TMPRSS11D: variants seen among roughly 807,000 people sequenced by gnomAD.
The protein encoded by TMPRSS11D is transmembrane protease serine 11D.
TMPRSS11D carries 32 observed loss-of-function variants against 44.4 expected under a neutral mutation model. That is an observed-to-expected ratio of 0.72 (90% CI 0.54 to 0.97). The LOEUF is 0.97. TMPRSS11D is among the 50% of genes least tolerant of loss of function. TMPRSS11D has a pLI of 0.00. For synonymous variants in TMPRSS11D, 179 were observed against 177.9 expected, an observed-to-expected ratio of 1.01 and a Z score of -0.05; for missense variants, 446 against 502.6, an observed-to-expected ratio of 0.89 and a Z score of 1.08.
At chr4:67,823,311 A>G (rs1173788828) in intron 9 of TMPRSS11D, among the ~76,000 whole-genome samples, 1 of 152,168 alleles carries the variant, frequency 6.6e-6, no homozygotes, top group Non-Finnish European at 1.5e-5. Context: ...AGTCATAATA[A>G]TGAACCAACC....
intron 1 of TMPRSS11D, among the ~76,000 whole-genome samples, chr4:67,866,468 C>T (rs2165362): frequency 0.71 from 107,865 of 151,756 alleles, 38,604 homozygotes; most frequent in Middle Eastern, 0.76. Context: ...TCACGTCTAT[C>T]AAACACATTA....
chr4:67,866,931 A>C (rs2109695958), intron 1 of TMPRSS11D, among the ~76,000 whole-genome samples: 1 of 152,066 alleles, frequency 6.6e-6, no homozygotes, highest in Admixed American at 6.6e-5. Flanking sequence ...AAATTCAATT[A>C]AATCCCTATC....
At chr4:67,863,070 TA>T (rs200638003) in intron 1 of TMPRSS11D, among the ~76,000 whole-genome samples, 2,099 of 149,468 alleles carry the variant, frequency 0.014, 167 homozygotes, top group Admixed American at 0.13. Flanking sequence ...AAAATAATAA[TA>T]AAAAAATAAA....
chr4:67,852,092 C>T (rs1005697897), intron 3 of TMPRSS11D, among the ~76,000 whole-genome samples: 1 of 152,248 alleles, frequency 6.6e-6, no homozygotes, highest in African/African-American at 2.4e-5. Context: ...TTGACTATGC[C>T]TCTGCCCAAT....
Position 67,825,776 on chromosome 4 carries a change from T to A in TMPRSS11D, c.1051A>T (p.Met351Leu). The A allele has an allele frequency of 1.2e-6, 2 of 1,613,196 alleles. No homozygotes were observed. Among genetic ancestry groups the A allele is most frequent in the Non-Finnish European group, 1.7e-6 (2 of 1,179,488 alleles). The change falls in exon 9 of 10, where the codon ATG becomes TTG. Residue 351 changes from methionine to leucine, a missense_variant. Met to Leu is a conservative substitution (Grantham distance 15). Transcript: ENST00000283916. ...CCTTGAGGTACTCCAGCACACAGCATTCCAGACAAGATGGCTCCATTATAA... is the reference window on the plus strand; with the variant it reads ...CCTTGAGGTACTCCAGCACACAGCAATCCAGACAAGATGGCTCCATTATAA... ...HSYNGAILSGMLCAGVPQGGV... is the reference protein window; with the variant it reads ...HSYNGAILSGLLCAGVPQGGV...
In TMPRSS11D at chr4:67,852,156, C is replaced by G. The variant is rs183627784; in HGVS notation, c.249+1912G>C. Among the ~76,000 whole-genome samples the G allele has an allele frequency of 1.3e-3, 203 of 152,314 alleles. 1 individual carries two copies. The highest frequency in any genetic ancestry group is 9.3e-3 in the Admixed American group (143 of 15,296). On this transcript the variant is annotated intron_variant, in intron 3 of 9. Transcript: ENST00000283916. ...GGTTGAGAGCACCCCAGAGACACTC[C>G]CTGCATGCAAGTCTCAGAGTCTGCT... is the stretch of plus-strand genomic sequence containing the variant.
intron 3 of TMPRSS11D, among the ~76,000 whole-genome samples, chr4:67,843,901 C>T (rs577305718): frequency 1.3e-5 from 2 of 152,168 alleles, no homozygotes; most frequent in African/African-American, 2.4e-5. Flanking sequence ...CCAGCCTGGG[C>T]TACAGAACGA....
chr4:67,871,451 G>GAGT (rs2109699997), intron 1 of TMPRSS11D, among the ~76,000 whole-genome samples: 1 of 152,298 alleles, frequency 6.6e-6, no homozygotes, highest in South Asian at 2.1e-4. Flanking sequence ...ATAGACTGCT[G>GAGT]AGTAGGGTTT....
At chr4:67,883,468 G>C (rs184509220) in intron 1 of TMPRSS11D, among the ~76,000 whole-genome samples, 1 of 151,884 alleles carries the variant, frequency 6.6e-6, no homozygotes, top group Non-Finnish European at 1.5e-5. Context: ...GAAAAATACC[G>C]TCTTTACTTT....
At chr4:67,848,471 A>T (rs1037412318) in intron 3 of TMPRSS11D, among the ~76,000 whole-genome samples, 8 of 152,230 alleles carry the variant, frequency 5.3e-5, no homozygotes, top group African/African-American at 1.4e-4. Context: ...AGAAAACAGT[A>T]ATCTGGCCAT....
intron 1 of TMPRSS11D, among the ~76,000 whole-genome samples, chr4:67,867,391 G>A (rs1718950754): frequency 6.6e-6 from 1 of 151,886 alleles, no homozygotes; most frequent in African/African-American, 2.4e-5. Context: ...AGAAGAAGAT[G>A]TAGGGAAAAC....
chr4:67,845,877 G>A (rs576208991), intron 3 of TMPRSS11D, among the ~76,000 whole-genome samples: 1 of 152,178 alleles, frequency 6.6e-6, no homozygotes, highest in African/African-American at 2.4e-5. Context: ...AGTAGAACAG[G>A]TCACATAAAG....
At chr4:67,862,560 A>G (rs982075240) in intron 1 of TMPRSS11D, among the ~76,000 whole-genome samples, 1 of 152,150 alleles carries the variant, frequency 6.6e-6, no homozygotes, top group Non-Finnish European at 1.5e-5. Context: ...ACTGCACATC[A>G]TCATTTCCAA....
intron 1 of TMPRSS11D, among the ~76,000 whole-genome samples, chr4:67,879,796 C>T (rs1188056606): frequency 1.3e-5 from 2 of 152,046 alleles, no homozygotes; most frequent in Admixed American, 1.3e-4. Context: ...CCATGTGACT[C>T]GGAAAATCTA....
rs1717672025 is a variant in TMPRSS11D at position 67,822,496 on chromosome 4, A to G, written c.1098T>C (p.Gly366=). Residue 366 remains glycine, a splice_region_variant and synonymous_variant, in exon 10 of 10, where the codon GGT becomes GGC. Coordinates refer to ENST00000283916, the MANE Select transcript of TMPRSS11D (RefSeq NM_004262.3). ...CTTGTACTAGTGGGCCACCAGAGTC[A>G]CCCTGTAAAAAAACAGAATGACTGA... ...VPQGGVDACQ[G]DSGGPLVQED... 6.2e-7 allele frequency: 1 copy of G among 1,613,744 alleles called. No homozygotes were observed. Among genetic ancestry groups the G allele is most frequent in the East Asian group, 2.2e-5 (1 of 44,884 alleles).
At position 67,827,277 on chromosome 4, in the gene TMPRSS11D, G is replaced by A. The variant is rs368640864; in HGVS notation, c.936C>T (p.Gly312=). ...GACACTTACCAGCATATTCTTGAGC[G>A]CCCCATCCTGTTACATAAGCAGTAG... is the stretch of plus-strand genomic sequence containing the variant. ...PGSTAYVTGW[G]AQEYAGHTVP... Residue 312 remains glycine (G), a synonymous_variant, in exon 8 of 10, where the codon GGC becomes GGT. Coordinates refer to ENST00000283916, the MANE Select transcript of TMPRSS11D (RefSeq NM_004262.3). 240 of 1,608,200 alleles carry A rather than the reference G, an allele frequency of 1.5e-4. No homozygotes were observed. The highest frequency in any genetic ancestry group is 2.3e-4 in the South Asian group (21 of 89,814).
chr4:67,838,054 G>T, intron 5 of TMPRSS11D, 118 bp downstream of exon 5: 1 of 844,888 alleles, frequency 1.2e-6, no homozygotes, highest in Non-Finnish European at 1.7e-6. Flanking sequence ...TTAATGGATT[G>T]TTTTCACAGT....
At chr4:67,869,975 A>G (rs979724518) in intron 1 of TMPRSS11D, among the ~76,000 whole-genome samples, 2 of 152,150 alleles carry the variant, frequency 1.3e-5, no homozygotes, top group Non-Finnish European at 2.9e-5. Flanking sequence ...CCCTGCCAAA[A>G]ATGGAAGGAA....
intron 9 of TMPRSS11D, among the ~76,000 whole-genome samples, chr4:67,823,154 A>T (rs1717694062): frequency 6.6e-6 from 1 of 152,162 alleles, no homozygotes; most frequent in South Asian, 2.1e-4. Context: ...TTGTTGAATG[A>T]ATGAGTTTCT....
Sources: allele counts gnomAD v4.1 joint callset (sites outside exome capture counted in the v4.1 genomes callset), GRCh38; gene constraint gnomAD v4.1.1; transcripts MANE v1.5; gene names NCBI Gene and HGNC (gene_info 2026-07-23, HGNC 2026-07-21).